Variants in RP1 observed in about 807,000 individuals in gnomAD.
RP1 encodes the protein RP1 axonemal microtubule associated.
RP1 carries 16 observed loss-of-function variants against 14.8 expected under a neutral mutation model. The ratio of observed to expected loss-of-function variants is 1.08; its 90% CI spans 0.73 to 1.65. RP1 has a LOEUF of 1.65. Ranked by LOEUF, RP1 falls within the 40% of genes most tolerant of loss-of-function variation. RP1 has a pLI of 0.00. For missense variants in RP1, 2,631 were observed against 2,535.0 expected, an observed-to-expected ratio of 1.04 and a Z score of -0.81; for synonymous variants, 876 against 883.6, an observed-to-expected ratio of 0.99 and a Z score of 0.15.
intron 1 of RP1, among the ~76,000 whole-genome samples, chr8:54,606,607 A>C (rs1287817257): frequency 6.6e-6 from 1 of 152,078 alleles, no homozygotes; most frequent in East Asian, 1.9e-4. Flanking sequence ...TAGATTGGGG[A>C]AGTTCTCCTG....
At chr8:54,833,184 C>G (rs1240239173) in intron 24 of RP1, among the ~76,000 whole-genome samples, 1 of 151,894 alleles carries the variant, frequency 6.6e-6, no homozygotes, top group East Asian at 1.9e-4. Flanking sequence ...CTGGTAGTTC[C>G]AAATTAGTTC....
chr8:54,836,938 A>T (rs1012724918), intron 24 of RP1, among the ~76,000 whole-genome samples: 1 of 152,214 alleles, frequency 6.6e-6, no homozygotes. Flanking sequence ...ATACCTTAGA[A>T]TATTTGTCAT....
chr8:54,724,481 A>G (rs944111036), intron 16 of RP1, among the ~76,000 whole-genome samples: 8 of 152,190 alleles, frequency 5.3e-5, no homozygotes, highest in Non-Finnish European at 1.2e-4. Context: ...CTGTATATGT[A>G]ACATACACCT....
At chr8:54,802,215 G>C in intron 24 of RP1, among the ~76,000 whole-genome samples, 1 of 152,084 alleles carries the variant, frequency 6.6e-6, no homozygotes, top group East Asian at 1.9e-4. Flanking sequence ...ATTTAAGAAA[G>C]ACCTTCTAAA....
At chr8:54,703,600 AC>A (rs1808079020) in intron 14 of RP1, among the ~76,000 whole-genome samples, 1 of 152,184 alleles carries the variant, frequency 6.6e-6, no homozygotes, top group Non-Finnish European at 1.5e-5. Flanking sequence ...ACTGAAAGTC[AC>A]CAACTGCATT....
In RP1 at chr8:54,628,866, G is replaced by C. The variant is rs1563332734; in HGVS notation, c.4984G>C (p.Val1662Leu). ...RKSQVCPYNS[V>L]EFQCSRKASL... ...ATCTCAGGTTTGTCCTTATAATTCT[G>C]TGGAATTTCAGTGTTCCAGGAAAGC... is the stretch of plus-strand genomic sequence containing the variant. Residue 1662 changes from valine (V) to leucine (L), a missense_variant, in exon 4 of 4, where the codon GTG (valine) becomes CTG (leucine). Transcript: ENST00000220676. The C allele has an allele frequency of 3.1e-6, 5 of 1,614,006 alleles. No homozygotes were observed. The highest frequency in any genetic ancestry group is 4.2e-6 in the Non-Finnish European group (5 of 1,179,958).
chr8:54,853,021 G>C (rs1218394617), intron 26 of RP1, among the ~76,000 whole-genome samples: 1 of 152,188 alleles, frequency 6.6e-6, no homozygotes, highest in Non-Finnish European at 1.5e-5. Flanking sequence ...TTTTAAACTG[G>C]TTTTAAAGGT....
chr8:54,780,015 G>C (rs1810143758), intron 23 of RP1, among the ~76,000 whole-genome samples: 1 of 150,622 alleles, frequency 6.6e-6, no homozygotes, highest in Non-Finnish European at 1.5e-5. Context: ...TGATTTTTTT[G>C]CGTGGAGCTT....
At position 54,626,314 on chromosome 8, in the gene RP1, A is replaced by T; in HGVS notation, c.2432A>T (p.Lys811Ile). ...VFPHNESKYC[K>I]STFENKSLFH... ...CCTCACAATGAATCTAAATATTGCA[A>T]AAGTACTTTTGAAAACAAAAGTTTA... is the stretch of plus-strand genomic sequence containing the variant. Residue 811 changes from lysine to isoleucine, a missense_variant, in exon 4 of 4, where the codon AAA becomes ATA. Physicochemically the swap from Lys to Ile is moderately radical, Grantham distance 102. Coordinates refer to ENST00000220676, the MANE Select transcript of RP1 (RefSeq NM_006269.2). 1.2e-6 allele frequency: 2 copies of T among 1,613,572 alleles called. No individual in the cohort carries two copies. The highest frequency in any genetic ancestry group is 1.7e-6 in the Non-Finnish European group (2 of 1,179,752).
chr8:54,738,650 A>C (rs1215515277), intron 18 of RP1, among the ~76,000 whole-genome samples: 1 of 152,112 alleles, frequency 6.6e-6, no homozygotes, highest in Non-Finnish European at 1.5e-5. Context: ...TCCAGTGAGA[A>C]ATGTGTGGTA....
In RP1 at chr8:54,629,694, C is replaced by T. The variant is rs149817514; in HGVS notation, c.5812C>T (p.Arg1938Cys). The T allele has an allele frequency of 1.9e-5, 31 of 1,613,170 alleles. No homozygotes were observed. The African/African-American group carries it at 3.3e-4, about 17-fold the overall frequency. Residue 1938 changes from arginine to cysteine, a missense_variant, in exon 4 of 4, where the codon CGC (arginine) becomes TGC (cysteine). By Grantham distance (180) the Arg-to-Cys change is radical (BLOSUM62 -3). Coordinates refer to ENST00000220676, the MANE Select transcript of RP1 (RefSeq NM_006269.2). Reference protein sequence around the residue: ...MNEEDRGFAYRKESDIENFLG... With the variant: ...MNEEDRGFAYCKESDIENFLG... ...TGAGGAAGACCGAGGATTTGCATATCGCAAAGAATCTGATATTGAAAATTT... is the reference window on the plus strand; with the variant it reads ...TGAGGAAGACCGAGGATTTGCATATTGCAAAGAATCTGATATTGAAAATTT...
intron 18 of RP1, among the ~76,000 whole-genome samples, chr8:54,738,464 A>G (rs1246620615): frequency 6.6e-6 from 1 of 152,166 alleles, no homozygotes; most frequent in Non-Finnish European, 1.5e-5. Context: ...ATCTTAACCT[A>G]GGTATCATCA....
intron 1 of RP1, among the ~76,000 whole-genome samples, chr8:54,605,301 G>A (rs1042830879): frequency 1.3e-5 from 2 of 152,232 alleles, no homozygotes; most frequent in African/African-American, 4.8e-5. Flanking sequence ...TATGCACCCA[G>A]TAGTCATTCA....
At chr8:54,786,764 T>G (rs919140334) in intron 24 of RP1, among the ~76,000 whole-genome samples, 4 of 152,154 alleles carry the variant, frequency 2.6e-5, no homozygotes, top group Non-Finnish European at 4.4e-5. Flanking sequence ...CATATTTTGT[T>G]ATTTTTAATT....
At chr8:54,633,505 G>T (rs910911304), downstream of RP1, among the ~76,000 whole-genome samples, 1 of 152,104 alleles carries the variant, frequency 6.6e-6, no homozygotes, top group African/African-American at 2.4e-5. Context: ...ACTCATTAAA[G>T]TTCTTATGAA....
chr8:54,807,663 T>TATC (rs1420944321), intron 24 of RP1, among the ~76,000 whole-genome samples: 5 of 55,662 alleles, frequency 9.0e-5, no homozygotes, highest in African/African-American at 6.8e-4. Context: ...TCTATCTATC[T>TATC]ATCTATCTAT....
At chr8:54,648,805 G>A (rs1407730137) in intron 3 of RP1, among the ~76,000 whole-genome samples, 1 of 152,138 alleles carries the variant, frequency 6.6e-6, no homozygotes, top group African/African-American at 2.4e-5. Flanking sequence ...GTAGAAAATA[G>A]TAATTTTATT....
chr8:54,757,957 C>T (rs1809549911), intron 21 of RP1, among the ~76,000 whole-genome samples: 1 of 152,158 alleles, frequency 6.6e-6, no homozygotes, highest in African/African-American at 2.4e-5. Flanking sequence ...AGGAGGTTTC[C>T]ATCAACAGCA....
Position 54,630,498 on chromosome 8 carries a change from C to T in RP1, c.*145C>T. ...TCTAGAAAGCTTACCCTTGGATAAC[C>T]AGTTTGACTTTCATAATGTCTCTGT... is the stretch of plus-strand genomic sequence containing the variant. On this transcript the variant is annotated 3_prime_UTR_variant, in exon 4 of 4. Coordinates refer to ENST00000220676, the MANE Select transcript of RP1 (RefSeq NM_006269.2). 2.1e-6 allele frequency: 3 copies of T among 1,463,242 alleles called. No individual in the cohort carries two copies. The highest frequency in any genetic ancestry group is 2.5e-4 in the Middle Eastern group (1 of 4,002). 90.6% of individuals were successfully genotyped at this position (1,463,242 alleles called of 1,614,324 possible).
Sources: allele counts gnomAD v4.1 joint callset (sites outside exome capture counted in the v4.1 genomes callset), GRCh38; gene constraint gnomAD v4.1.1; transcripts MANE v1.5; gene names NCBI Gene and HGNC (gene_info 2026-07-23, HGNC 2026-07-21).